DAZAP1: variants seen among roughly 807,000 people sequenced by gnomAD.
DAZAP1 encodes the protein DAZ-associated protein 1.
DAZAP1 carries 6 observed loss-of-function variants against 60.1 expected under a neutral mutation model. The observed-to-expected ratio is 0.10, with a 90% CI of 0.05 to 0.20. The LOEUF (loss-of-function observed/expected upper bound fraction) is 0.20, where lower values mean the gene tolerates loss of function less well. Ranked by LOEUF, DAZAP1 falls within the 10% of genes least tolerant of loss-of-function variation. The pLI, the probability that DAZAP1 is intolerant of heterozygous loss-of-function variation, is 1.00. For synonymous variants in DAZAP1, 235 were observed against 215.9 expected, an observed-to-expected ratio of 1.09 and a Z score of -0.78; for missense variants, 366 against 560.4, an observed-to-expected ratio of 0.65 and a Z score of 3.50.
intron 1 of DAZAP1, among the ~76,000 whole-genome samples, chr19:1,410,953 C>A (rs1208828498): frequency 1.3e-5 from 2 of 152,234 alleles, no homozygotes; most frequent in Non-Finnish European, 2.9e-5. Flanking sequence ...GGCCGGGGGC[C>A]ATGCAGCTCA....
chr19:1,418,069 C>A lies in DAZAP1; in HGVS notation c.71-135C>A. 1.2e-6 allele frequency: 1 copy of A among 851,484 alleles called. No individual in the cohort carries two copies. The highest frequency in any genetic ancestry group is 1.8e-6 in the Non-Finnish European group (1 of 545,710). The allele number at this position is 851,484 out of a possible 1,614,324, so 52.7% of individuals were successfully genotyped here. ...AGAATTCCCCAGCGCTTCCCGTACA[C>A]CCCCCACCCCCAGTGCAGCATCGCT... On this transcript the variant is annotated intron_variant, in intron 2 of 11. Transcript: ENST00000233078. The surrounding 1 kb of genome is among the most constrained non-coding windows in gnomAD (Gnocchi z 5.7).
rs989910332 is a variant in DAZAP1 at position 1,428,616 on chromosome 19, G to A, written c.547-226G>A. 4 of 553,618 alleles carry A rather than the reference G, an allele frequency of 7.2e-6. No individual in the cohort carries two copies. Among genetic ancestry groups the A allele is most frequent in the Admixed American group, 7.3e-5 (2 of 27,408 alleles). The allele number at this position is 553,618 out of a possible 1,614,324, so 34.3% of individuals were successfully genotyped here. A position where few individuals can be genotyped will look rare whatever the true frequency, so the allele number is the denominator to read the frequency against. On this transcript the variant is annotated intron_variant, in intron 7 of 11. Transcript: ENST00000233078. This position sits in a 1 kb window ranked among gnomAD's most constrained non-coding sequence, Gnocchi z 4.0. ...AGTGGGCGGGCTCTGTGTGTCTTAC[G>A]GTTGCATCTGTTGTACCTGAGAAAC...
rs1317548005 is a variant in DAZAP1 at position 1,435,071 on chromosome 19, C to G, written c.*159C>G. ...GGAGCGGCTGTGGGTGTCGTCTGGA[C>G]TGAGGTTTTTAAATATTTCTTTCTC... On this transcript the variant is annotated 3_prime_UTR_variant, in exon 12 of 12. Coordinates refer to ENST00000233078, the MANE Select transcript of DAZAP1 (RefSeq NM_018959.4). 14 of 523,576 alleles carry G rather than the reference C, an allele frequency of 2.7e-5. No individual in the cohort carries two copies. In the East Asian group the frequency reaches 3.9e-4, roughly 15 times the overall value. The allele number at this position is 523,576 out of a possible 1,614,324, so 32.4% of individuals were successfully genotyped here. A position where few individuals can be genotyped will look rare whatever the true frequency, so the allele number is the denominator to read the frequency against.
At chr19:1,430,993 T>C (rs1446438237) in intron 10 of DAZAP1, among the ~76,000 whole-genome samples, 1 of 151,708 alleles carries the variant, frequency 6.6e-6, no homozygotes, top group Admixed American at 6.6e-5. Context: ...AGTGCTGGGA[T>C]TACAGGCGTG....
Position 1,418,122 on chromosome 19 carries a change from T to A in DAZAP1, c.71-82T>A, listed in dbSNP as rs1295101097. On this transcript the variant is annotated intron_variant, in intron 2 of 11. Transcript: ENST00000233078. The surrounding 1 kb of genome is among the most constrained non-coding windows in gnomAD (Gnocchi z 5.7). ...GTGCGTGGCTGGTGGACTGGAGGAG[T>A]GTGCGTGCCGGCAGCACTGCCAGGC... 1 of 1,433,594 alleles carries A rather than the reference T, an allele frequency of 7.0e-7. No individual in the cohort carries two copies. The highest frequency in any genetic ancestry group is 1.7e-5 in the Admixed American group (1 of 57,746). 88.8% of individuals were successfully genotyped at this position (1,433,594 alleles called of 1,614,324 possible). A position where few individuals can be genotyped will look rare whatever the true frequency, so the allele number is the denominator to read the frequency against.
chr19:1,434,338 AG>A lies in DAZAP1; in HGVS notation c.1049-395del. 4.7e-6 allele frequency: 1 copy of A among 213,428 alleles called. No homozygotes were observed. Among genetic ancestry groups the A allele is most frequent in the Non-Finnish European group, 9.5e-6 (1 of 105,410 alleles). The allele number at this position is 213,428 out of a possible 1,614,324, so 13.2% of individuals were successfully genotyped here. On this transcript the variant is annotated intron_variant, in intron 11 of 11. Transcript: ENST00000233078. The surrounding 1 kb of genome is among the most constrained non-coding windows in gnomAD (Gnocchi z 8.0). ...CCCTGTATCGCTGCAAGGGCCCGTC[AG>A]GGGTTTTCTGAAACTCCGAGAGCCA...
rs2082701147 is a variant in DAZAP1 at position 1,407,619 on chromosome 19, A to AGCCGCCGCAGCC, written c.-147_-146insAGCCGCCGCCGC. The AGCCGCCGCAGCC allele has an allele frequency of 4.2e-6, 1 of 235,986 alleles. No individual in the cohort carries two copies. The highest frequency in any genetic ancestry group is 6.6e-6 in the Non-Finnish European group (1 of 151,900). 14.6% of individuals were successfully genotyped at this position (235,986 alleles called of 1,614,324 possible). ...ACCGTTGGCGCCGAGGGGAGGAGGC[A>AGCCGCCGCAGCC]GCCGCCGCCGCCGCCGCCGCCGCCG... On this transcript the variant is annotated 5_prime_UTR_variant, in exon 1 of 12. Transcript: ENST00000233078.
Position 1,434,664 on chromosome 19 carries a change from C to G in DAZAP1, c.1049-73C>G. ...CAAGGCAGGCTCGGCGGAGCTGTGT[C>G]CAGGTGGCCTCGCTCGACGGCAGTG... On this transcript the variant is annotated intron_variant, in intron 11 of 11. Coordinates refer to ENST00000233078, the MANE Select transcript of DAZAP1 (RefSeq NM_018959.4). The surrounding 1 kb of genome is among the most constrained non-coding windows in gnomAD (Gnocchi z 8.0). 18 of 1,539,814 alleles carry G rather than the reference C, an allele frequency of 1.2e-5. No homozygotes were observed. Among genetic ancestry groups the G allele is most frequent in the Non-Finnish European group, 1.6e-5 (18 of 1,123,480 alleles).
intron 6 of DAZAP1, among the ~76,000 whole-genome samples, chr19:1,424,664 G>A (rs1338951042): frequency 1.3e-5 from 2 of 151,854 alleles, no homozygotes; most frequent in East Asian, 1.9e-4. Flanking sequence ...TGCCGCGCTC[G>A]TTCACGCCTC....
chr19:1,411,270 C>G (rs754966333), intron 1 of DAZAP1, among the ~76,000 whole-genome samples: 7 of 152,218 alleles, frequency 4.6e-5, no homozygotes, highest in Non-Finnish European at 7.3e-5. Flanking sequence ...CTGGATCACT[C>G]TGGGGCACCG....
In DAZAP1 at chr19:1,425,412, CG is replaced by C. The variant is rs1733214060; in HGVS notation, c.464-465del. ...CCCCTGACTAAGATGGCGCATTCCA[CG>C]CGGGCCCCCGGCCTGCAGGGTTCAC... On this transcript the variant is annotated intron_variant, in intron 6 of 11. Transcript: ENST00000233078. This position sits in a 1 kb window ranked among gnomAD's most constrained non-coding sequence, Gnocchi z 5.4. Among the ~76,000 whole-genome samples, 1 of 152,220 alleles carries C rather than the reference CG, an allele frequency of 6.6e-6. No individual in the cohort carries two copies. The highest frequency in any genetic ancestry group is 2.4e-5 in the African/African-American group (1 of 41,452).
chr19:1,427,826 A>G (rs2083343371), intron 7 of DAZAP1: 3 of 152,256 alleles, frequency 2.0e-5, no homozygotes, highest in Admixed American at 2.0e-4. Flanking sequence ...TAACAGGCAG[A>G]ACTGAGGGAT....
chr19:1,429,856 GGA>G, intron 8 of DAZAP1, 109 bp from the exon 9 acceptor site: 1 of 1,350,648 alleles, frequency 7.4e-7, no homozygotes, highest in East Asian at 2.5e-5. Flanking sequence ...TCTAAGCACA[GGA>G]GGCTCCGGGG....
chr19:1,432,258 C>T lies in DAZAP1; in HGVS notation c.872-256C>T. 3.7e-6 allele frequency: 2 copies of T among 545,240 alleles called. No individual in the cohort carries two copies. Among genetic ancestry groups the T allele is most frequent in the Non-Finnish European group, 6.5e-6 (2 of 307,280 alleles). The allele number at this position is 545,240 out of a possible 1,614,324, so 33.8% of individuals were successfully genotyped here. On this transcript the variant is annotated intron_variant, in intron 10 of 11. Coordinates refer to ENST00000233078, the MANE Select transcript of DAZAP1 (RefSeq NM_018959.4). The surrounding 1 kb of genome is among the most constrained non-coding windows in gnomAD (Gnocchi z 4.9). ...TTGTCTGAGGCCCACCTGGCGGCTG[C>T]TCCGTGAGGAACGAGGTGGCCCTGC...
At position 1,432,743 on chromosome 19, in the gene DAZAP1, C is replaced by A; in HGVS notation, c.1048+53C>A. On this transcript the variant is annotated intron_variant, in intron 11 of 11. Transcript: ENST00000233078. This position sits in a 1 kb window ranked among gnomAD's most constrained non-coding sequence, Gnocchi z 4.9. ...CCCGCTGGCCCCAGGACCCTGGGCA[C>A]GGCCTGCCTTCTTCTGCTTCCTCCC... 6.6e-7 allele frequency: 1 copy of A among 1,517,090 alleles called. No homozygotes were observed. The highest frequency in any genetic ancestry group is 8.9e-7 in the Non-Finnish European group (1 of 1,124,980). 94.0% of individuals were successfully genotyped at this position (1,517,090 alleles called of 1,614,324 possible).
chr19:1,410,342 G>A (rs558917560), intron 1 of DAZAP1, among the ~76,000 whole-genome samples: 2 of 152,282 alleles, frequency 1.3e-5, no homozygotes, highest in Admixed American at 1.3e-4. Flanking sequence ...TTTGGCACGC[G>A]GACCCTACAT....
rs528207318 is a variant in DAZAP1, at chr19:1,408,683, C to T, written c.29+881C>T. Among the ~76,000 whole-genome samples the T allele has an allele frequency of 5.8e-4, 88 of 152,324 alleles. 1 individual carries two copies. The highest frequency in any genetic ancestry group is 2.0e-3 in the African/African-American group (83 of 41,574). Reference sequence around the variant, plus strand: ...CTGCGGAAGGGAGAGTCAGCGCTTCCGAGGCGGCGACGGGCCCGCGGATCT... The same window carrying T: ...CTGCGGAAGGGAGAGTCAGCGCTTCTGAGGCGGCGACGGGCCCGCGGATCT... On this transcript the variant is annotated intron_variant, in intron 1 of 11. Transcript: ENST00000233078.
At position 1,434,289 on chromosome 19, in the gene DAZAP1, T is replaced by G. The variant is rs1309560519; in HGVS notation, c.1049-448T>G. On this transcript the variant is annotated intron_variant, in intron 11 of 11. Transcript: ENST00000233078. The surrounding 1 kb of genome is among the most constrained non-coding windows in gnomAD (Gnocchi z 8.0). ...CCCTGACAGGAAGGACAACGTGGGG[T>G]CTGGTCTGCGACGGAGGGGCAGGCC... 9.8e-6 allele frequency: 2 copies of G among 203,344 alleles called. No individual in the cohort carries two copies. The highest frequency in any genetic ancestry group is 2.0e-5 in the Non-Finnish European group (2 of 99,276). 12.6% of individuals were successfully genotyped at this position (203,344 alleles called of 1,614,324 possible).
rs145639291 is a variant in DAZAP1 at position 1,432,328 on chromosome 19, G to T, written c.872-186G>T. ...ACGCTCCCAGGAGTGTGTGTTTCCT[G>T]GGGGGAGCGGCCCGGGACCGTGGCT... On this transcript the variant is annotated intron_variant, in intron 10 of 11. Transcript: ENST00000233078. This position sits in a 1 kb window ranked among gnomAD's most constrained non-coding sequence, Gnocchi z 4.9. 9.7e-5 allele frequency: 63 copies of T among 650,768 alleles called. 1 individual carries two copies. The East Asian group carries it at 1.7e-3, about 17-fold the overall frequency. The allele number at this position is 650,768 out of a possible 1,614,324, so 40.3% of individuals were successfully genotyped here.
Sources: gnomAD v4.1 joint callset for allele counts (sites outside exome capture counted in the v4.1 genomes callset) on GRCh38, gnomAD v4.1.1 for gene constraint, Gnocchi (gnomAD v3.1) non-coding constraint, MANE v1.5 for transcripts, NCBI Gene and HGNC (gene_info 2026-07-23, HGNC 2026-07-21) for gene names.